The following CENPE variants were observed in gnomAD, a reference collection of about 807,000 sequenced individuals.
CENPE encodes the protein centromere protein E.
CENPE carries 145 observed loss-of-function variants against 336.1 expected under a neutral mutation model. The ratio of observed to expected loss-of-function variants is 0.43; its 90% CI spans 0.38 to 0.50. The LOEUF (loss-of-function observed/expected upper bound fraction) is 0.50. Among genes scored for constraint, CENPE ranks in the 20% least tolerant of loss-of-function variants. The probability of loss-of-function intolerance (pLI) is 0.00; values close to 1 mark genes in which losing one functional copy is unlikely to be tolerated. For synonymous variants in CENPE, 1,013 were observed against 984.8 expected (o/e 1.03, Z -0.54); for missense variants, 2,719 against 3,023.3 (o/e 0.90, Z 2.36).
intron 39 of CENPE, among the ~76,000 whole-genome samples, chr4:103,137,891 A>G (rs1752200424): frequency 6.6e-6 from 1 of 152,086 alleles, no homozygotes; most frequent in Non-Finnish European, 1.5e-5. Context: ...AAATTCCCCA[A>G]TGGATCTCCA....
At chr4:103,176,726 G>T (rs1755900722) in intron 14 of CENPE, among the ~76,000 whole-genome samples, 173 bp downstream of exon 14, 1 of 151,956 alleles carries the variant, frequency 6.6e-6, no homozygotes, top group Non-Finnish European at 1.5e-5. Context: ...CGCACAGCTA[G>T]TTTTTTTGTA....
In CENPE at chr4:103,141,120, AAAT is replaced by A; in HGVS notation, c.5464-19_5464-17del. ...GTTCTTGAATCTTAAGATAATCATA[AAAT>A]AATATGTTAGGTGGCTTTTTAGGGA... On this transcript the variant is annotated splice_polypyrimidine_tract_variant and intron_variant, in intron 35 of 48. Transcript: ENST00000265148. 6.2e-6 allele frequency: 9 copies of A among 1,440,350 alleles called. No homozygotes were observed. Among genetic ancestry groups the A allele is most frequent in the Non-Finnish European group, 8.5e-6 (9 of 1,057,814 alleles). 89.2% of individuals were successfully genotyped at this position (1,440,350 alleles called of 1,614,324 possible).
In CENPE at chr4:103,196,791, T is replaced by C. The variant is rs768102598; in HGVS notation, c.116A>G (p.Tyr39Cys). The change falls in exon 2 of 49, where the codon TAT becomes TGT. Residue 39 changes from tyrosine (Y) to cysteine (C), a missense_variant. By Grantham distance (194) the Tyr-to-Cys change is radical. Transcript: ENST00000265148. ...GAAGGATTTACTTCCATCAACTTGATAAATGACATTATTGTCAGTTTTCCA... is the reference window on the plus strand; with the variant it reads ...GAAGGATTTACTTCCATCAACTTGACAAATGACATTATTGTCAGTTTTCCA... ...VYWKTDNNVIYQVDGSKSFNF... is the reference protein window; with the variant it reads ...VYWKTDNNVICQVDGSKSFNF... The C allele has an allele frequency of 2.5e-6, 4 of 1,596,136 alleles. No homozygotes were observed. The highest frequency in any genetic ancestry group is 2.6e-6 in the Non-Finnish European group (3 of 1,165,986).
intron 13 of CENPE, among the ~76,000 whole-genome samples, chr4:103,177,939 T>C (rs1756017278): frequency 1.3e-5 from 2 of 152,154 alleles, no homozygotes; most frequent in South Asian, 2.1e-4. Flanking sequence ...CCTCTTGCTC[T>C]CATTGCCGTT....
intron 8 of CENPE, among the ~76,000 whole-genome samples, chr4:103,189,486 C>A (rs1458298860): frequency 1.3e-5 from 2 of 152,144 alleles, no homozygotes; most frequent in African/African-American, 4.8e-5. Flanking sequence ...GCTGGTTTAA[C>A]ATACAAAAAT....
chr4:103,108,926 T>A lies in CENPE; in HGVS notation c.7888A>T (p.Asn2630Tyr). The stretch of plus-strand genomic sequence containing the variant: ...TCCTTTGGCACAGGATCTTGTAAAT[T>A]CCGTTCCTTGCATTGAGAGGGTGTA... ...QITPSQCKERNLQDPVPKESP... is the reference protein window; with the variant it reads ...QITPSQCKERYLQDPVPKESP... Residue 2630 changes from asparagine to tyrosine, a missense_variant, in exon 48 of 49, where the codon AAT becomes TAT. Physicochemically the swap from Asn to Tyr is moderately radical, Grantham distance 143. Around this residue, in one of 5 missense-constraint regions of CENPE, gnomAD observed 2,437 missense variants for 2,513.3 expected, o/e 0.97. Transcript: ENST00000265148. 1 of 1,613,944 alleles carries A rather than the reference T, an allele frequency of 6.2e-7. No individual in the cohort carries two copies. The highest frequency in any genetic ancestry group is 2.2e-5 in the East Asian group (1 of 44,848).
intron 26 of CENPE, among the ~76,000 whole-genome samples, chr4:103,149,762 T>C (rs1481380074): frequency 6.6e-6 from 1 of 152,164 alleles, no homozygotes; most frequent in Non-Finnish European, 1.5e-5. Context: ...GTGAAGCAGT[T>C]ACAAGCCAAG....
At position 103,108,949 on chromosome 4, in the gene CENPE, GTAATTTGTTTCT is replaced by G; in HGVS notation, c.7853_7864del (p.Lys2618_Ile2621del). The G allele has an allele frequency of 6.2e-7, 1 of 1,613,862 alleles. No individual in the cohort carries two copies. Among genetic ancestry groups the G allele is most frequent in the Non-Finnish European group, 8.5e-7 (1 of 1,179,840 alleles). ...ATTCCGTTCCTTGCATTGAGAGGGT[GTAATTTGTTTCT>G]TTTTAGAAGCTGTTCCAGTCACTTT... On this transcript the variant is annotated inframe_deletion, in exon 48 of 49. Transcript: ENST00000265148.
intron 46 of CENPE, among the ~76,000 whole-genome samples, chr4:103,112,380 CAT>C (rs1749533642): frequency 6.8e-6 from 1 of 145,998 alleles, no homozygotes; most frequent in African/African-American, 2.5e-5. Flanking sequence ...CACATATATA[CAT>C]GTGCACGCAC....
At chr4:103,186,777 T>C (rs185695092) in intron 8 of CENPE, among the ~76,000 whole-genome samples, 1 of 152,070 alleles carries the variant, frequency 6.6e-6, no homozygotes, top group African/African-American at 2.4e-5. Flanking sequence ...TAGCTTTAGG[T>C]TCATAGGACT....
intron 29 of CENPE, among the ~76,000 whole-genome samples, chr4:103,146,967 G>A (rs148579714): frequency 6.6e-6 from 1 of 152,264 alleles, no homozygotes; most frequent in East Asian, 1.9e-4. Context: ...AGGCATATTA[G>A]TAGGGATAGC....
intron 9 of CENPE, among the ~76,000 whole-genome samples, chr4:103,185,298 C>A (rs1295879886): frequency 5.0e-5 from 7 of 140,746 alleles, no homozygotes; most frequent in Admixed American, 2.2e-4. Flanking sequence ...GAGTGAGAGT[C>A]TGCCTTAGAA....
chr4:103,147,279 A>C, intron 29 of CENPE, 77 bp downstream of exon 29: 2 of 1,259,064 alleles, frequency 1.6e-6, no homozygotes, highest in Non-Finnish European at 2.2e-6. Flanking sequence ...TAATACAAAC[A>C]TTATAACTAT....
chr4:103,141,730 C>A lies in CENPE; in HGVS notation c.5463+20G>T. 1 of 1,481,772 alleles carries A rather than the reference C, an allele frequency of 6.7e-7. No homozygotes were observed. Among genetic ancestry groups the A allele is most frequent in the Non-Finnish European group, 9.2e-7 (1 of 1,082,256 alleles). 91.8% of individuals were successfully genotyped at this position (1,481,772 alleles called of 1,614,324 possible). On this transcript the variant is annotated intron_variant, in intron 35 of 48. Transcript: ENST00000265148. ...CAAACAAATTAGATATCCAATCAAA[C>A]AATCCCCCCATAAAAATACCTTTTC...
intron 42 of CENPE, among the ~76,000 whole-genome samples, chr4:103,129,659 GGTT>G (rs1288420791): frequency 6.6e-6 from 1 of 152,110 alleles, no homozygotes; most frequent in Admixed American, 6.5e-5. Flanking sequence ...GGGAGGCAGA[GGTT>G]GCCGTGTGCC....
At position 103,190,002 on chromosome 4, in the gene CENPE, A is replaced by T. The variant is rs1757155316; in HGVS notation, c.694-4141T>A. Among the ~76,000 whole-genome samples, 9 of 152,300 alleles carry T rather than the reference A, an allele frequency of 5.9e-5. No homozygotes were observed. In the South Asian group the frequency reaches 1.9e-3, roughly 32 times the overall value. Reference sequence around the variant, plus strand: ...AAGCATTCTTATACACCAATAACAGACAAACAGAGAGACAAATCATGAGTG... The same window carrying T: ...AAGCATTCTTATACACCAATAACAGTCAAACAGAGAGACAAATCATGAGTG... On this transcript the variant is annotated intron_variant, in intron 8 of 48. Coordinates refer to ENST00000265148, the MANE Select transcript of CENPE (RefSeq NM_001813.3).
intron 42 of CENPE, among the ~76,000 whole-genome samples, chr4:103,128,840 A>C (rs575195324): frequency 6.6e-5 from 10 of 152,302 alleles, no homozygotes; most frequent in Admixed American, 6.5e-4. Flanking sequence ...GAGCAAATTA[A>C]ATCCAAAGTA....
intron 8 of CENPE, among the ~76,000 whole-genome samples, chr4:103,187,057 AATGTTT>A (rs1756838929): frequency 6.6e-6 from 1 of 152,142 alleles, no homozygotes; most frequent in Non-Finnish European, 1.5e-5. Flanking sequence ...AAAACTCTGA[AATGTTT>A]ATATTCAATG....
At chr4:103,119,574 G>A (rs974477612) in intron 44 of CENPE, among the ~76,000 whole-genome samples, 1 of 152,190 alleles carries the variant, frequency 6.6e-6, no homozygotes, top group African/African-American at 2.4e-5. Flanking sequence ...GGAGAGAAAA[G>A]ACACTGGAGC....
Sources: gnomAD v4.1 joint callset for allele counts (sites outside exome capture counted in the v4.1 genomes callset) on GRCh38, gnomAD v4.1.1 for gene constraint, gnomAD v4.1.1 regional missense constraint, MANE v1.5 for transcripts, NCBI Gene and HGNC (gene_info 2026-07-23, HGNC 2026-07-21) for gene names.